DNAH9: variants seen among roughly 807,000 people sequenced by gnomAD.
DNAH9 encodes the protein dynein axonemal heavy chain 9.
Under a neutral mutation model 471.6 loss-of-function variants are expected in DNAH9, and 345 were observed. That is an observed-to-expected ratio of 0.73 (90% CI 0.67 to 0.80). The LOEUF (loss-of-function observed/expected upper bound fraction) is 0.80, where lower values mean the gene tolerates loss of function less well. DNAH9 is among the 30% of genes least tolerant of loss of function. DNAH9 has a pLI of 0.00. For missense variants in DNAH9, 5,407 were observed against 5,609.2 expected (o/e 0.96, Z 1.15); for synonymous variants, 2,093 against 2,123.6 (o/e 0.99, Z 0.40).
chr17:11,881,514 G>C, intron 55 of DNAH9, 101 bp downstream of exon 55: 1 of 1,198,566 alleles, frequency 8.3e-7, no homozygotes, highest in Non-Finnish European at 1.1e-6. Context: ...GATTGAGTTA[G>C]GTGGGTTCTG....
chr17:11,642,772 TG>T (rs946231893), intron 10 of DNAH9, among the ~76,000 whole-genome samples: 1 of 152,148 alleles, frequency 6.6e-6, no homozygotes, highest in Non-Finnish European at 1.5e-5. Context: ...TTGGGGCCTG[TG>T]GGGCTTGTGG....
At chr17:11,965,745 C>A (rs1976650109) in intron 68 of DNAH9, among the ~76,000 whole-genome samples, 1 of 151,800 alleles carries the variant, frequency 6.6e-6, no homozygotes, top group African/African-American at 2.4e-5. Context: ...CTATGTATCA[C>A]TGAATAGAGA....
At chr17:11,899,682 A>G (rs1437889888) in intron 59 of DNAH9, among the ~76,000 whole-genome samples, 3 of 152,186 alleles carry the variant, frequency 2.0e-5, no homozygotes, top group African/African-American at 7.2e-5. Context: ...GGGTTGCAGG[A>G]CTGCAGAAGG....
Position 11,652,775 on chromosome 17 carries a change from G to A in DNAH9, c.2368G>A (p.Val790Ile), listed in dbSNP as rs200234366. ...NWKTEGICDY[V>I]TEITSSIHDL... ...TTGGGGAACAGGCATTTGCGATTAT[G>A]TCACTGAAATCACCAGTAGTATTCA... Residue 790 changes from valine to isoleucine, a missense_variant, in exon 14 of 69, where the codon GTC becomes ATC. Val to Ile is a conservative substitution (Grantham distance 29). This residue lies in a region of DNAH9 where 4,636 missense variants were observed against 4,900.3 expected (regional missense o/e 0.95). Coordinates refer to ENST00000262442, the MANE Select transcript of DNAH9 (RefSeq NM_001372.4). 1.2e-5 allele frequency: 20 copies of A among 1,613,370 alleles called. No individual in the cohort carries two copies. In the Admixed American group the frequency reaches 3.0e-4, roughly 24 times the overall value.
Position 11,941,947 on chromosome 17 carries a change from A to T in DNAH9, c.12661-356A>T, listed in dbSNP as rs897673650. On this transcript the variant is annotated intron_variant, in intron 66 of 68. Transcript: ENST00000262442. ...CAGCTTCACATGGCCCACAGGGGCC[A>T]CCTTTTGGCCCAAGTCTGTCTTATG... 5.3e-5 allele frequency among the ~76,000 whole-genome samples: 8 copies of T among 152,188 alleles called. No homozygotes were observed. The East Asian group carries it at 1.5e-3, about 29-fold the overall frequency.
chr17:11,695,464 C>A (rs1032148505), intron 22 of DNAH9, among the ~76,000 whole-genome samples: 2 of 152,156 alleles, frequency 1.3e-5, no homozygotes, highest in African/African-American at 4.8e-5. Context: ...ATATGAGAAG[C>A]CCAAAATGTG....
chr17:11,822,278 G>C (rs970004088), intron 46 of DNAH9, among the ~76,000 whole-genome samples, 160 bp from the exon 47 acceptor site: 4 of 152,172 alleles, frequency 2.6e-5, no homozygotes, highest in Non-Finnish European at 4.4e-5. Context: ...CAGCGTTTTT[G>C]ATCTCTTGGC....
chr17:11,961,890 C>T lies in DNAH9; in HGVS notation c.12867C>T (p.His4289=). 1 of 1,611,458 alleles carries T rather than the reference C, an allele frequency of 6.2e-7. No individual in the cohort carries two copies. Among genetic ancestry groups the T allele is most frequent in the South Asian group, 1.1e-5 (1 of 90,868 alleles). The change falls in exon 68 of 69, where the codon CAC becomes CAT. Residue 4289 remains histidine, a synonymous_variant. Coordinates refer to ENST00000262442, the MANE Select transcript of DNAH9 (RefSeq NM_001372.4). ...GLKGELTMTS[H]MENLQNALYF... ...AGGGGGAGCTGACTATGACCAGCCA[C>T]ATGGAGAACTTACAGAATGCCCTGT...
intron 19 of DNAH9, among the ~76,000 whole-genome samples, chr17:11,683,100 C>A (rs1181962790): frequency 6.6e-6 from 1 of 152,194 alleles, no homozygotes; most frequent in Non-Finnish European, 1.5e-5. Flanking sequence ...GTGTTAACAA[C>A]AACCACTCCA....
At chr17:11,756,764 A>T (rs1967410931) in intron 34 of DNAH9, 88 bp downstream of exon 34, 2 of 822,374 alleles carry the variant, frequency 2.4e-6, no homozygotes, top group Non-Finnish European at 2.1e-6. Flanking sequence ...GCTCAGAAGG[A>T]ATCTCCACAT....
At position 11,894,489 on chromosome 17, in the gene DNAH9, C is replaced by A; in HGVS notation, c.11399C>A (p.Ala3800Asp). 6.2e-7 allele frequency: 1 copy of A among 1,614,120 alleles called. No homozygotes were observed. The highest frequency in any genetic ancestry group is 8.5e-7 in the Non-Finnish European group (1 of 1,179,980). The change falls in exon 59 of 69, where the codon GCT becomes GAT. Residue 3800 changes from alanine (A) to aspartate (D), a missense_variant. Ala to Asp is a moderately radical substitution (Grantham distance 126, BLOSUM62 -2). This residue lies in a region of DNAH9 where 4,636 missense variants were observed against 4,900.3 expected (regional missense o/e 0.95). Transcript: ENST00000262442. ...TTCCTCTCCCATCAGGCGTGGGGAG[C>A]TGTCAAGGTCAGTATTGACCCCTAG... ...VEFLSHQAWG[A>D]VKVLSSMEEF...
rs115085327 is a variant in DNAH9, at chr17:11,807,037, G to T, written c.8421-695G>T. Among the ~76,000 whole-genome samples, 1,374 of 152,226 alleles carry T rather than the reference G, an allele frequency of 9.0e-3. 20 individuals carry two copies. Among genetic ancestry groups the T allele is most frequent in the African/African-American group, 0.032 (1,312 of 41,526 alleles). On this transcript the variant is annotated intron_variant, in intron 43 of 68. Coordinates refer to ENST00000262442, the MANE Select transcript of DNAH9 (RefSeq NM_001372.4). The stretch of plus-strand genomic sequence containing the variant: ...TGGAATAGTCTTCCATTGCAAGGAA[G>T]GGGGCAAGGAGAGAGGAATATGGGC...
At chr17:11,752,268 C>T (rs533138307) in intron 32 of DNAH9, among the ~76,000 whole-genome samples, 1 of 152,324 alleles carries the variant, frequency 6.6e-6, no homozygotes, top group Admixed American at 6.5e-5. Context: ...AGCATGAAAA[C>T]TCTACCTTAA....
At chr17:11,605,553 C>T (rs2072485680) in intron 1 of DNAH9, among the ~76,000 whole-genome samples, 1 of 152,050 alleles carries the variant, frequency 6.6e-6, no homozygotes, top group Admixed American at 6.5e-5. Context: ...GGCTGGAGTA[C>T]AGTGGCACGA....
At position 11,894,491 on chromosome 17, in the gene DNAH9, G is replaced by A; in HGVS notation, c.11401G>A (p.Val3801Ile). Reference sequence around the variant, plus strand: ...CCTCTCCCATCAGGCGTGGGGAGCTGTCAAGGTCAGTATTGACCCCTAGAA... The same window carrying A: ...CCTCTCCCATCAGGCGTGGGGAGCTATCAAGGTCAGTATTGACCCCTAGAA... ...EFLSHQAWGA[V>I]KVLSSMEEFS... Residue 3801 changes from valine (V) to isoleucine (I), a missense_variant, in exon 59 of 69, where the codon GTC becomes ATC. Transcript: ENST00000262442. 1 of 1,614,108 alleles carries A rather than the reference G, an allele frequency of 6.2e-7. No individual in the cohort carries two copies. The highest frequency in any genetic ancestry group is 8.5e-7 in the Non-Finnish European group (1 of 1,179,980).
chr17:11,855,860 G>A (rs1291192351), intron 50 of DNAH9, among the ~76,000 whole-genome samples: 3 of 152,120 alleles, frequency 2.0e-5, no homozygotes, highest in South Asian at 2.1e-4. Flanking sequence ...TTTACTGATC[G>A]TGTGACCTTT....
intron 26 of DNAH9, among the ~76,000 whole-genome samples, chr17:11,715,614 T>G (rs1047010964): frequency 1.3e-5 from 2 of 152,180 alleles, no homozygotes; most frequent in African/African-American, 2.4e-5. Context: ...TCAATCCATA[T>G]CCATGTTGGG....
intron 49 of DNAH9, among the ~76,000 whole-genome samples, chr17:11,848,044 C>A (rs1001242570): frequency 6.6e-6 from 1 of 152,116 alleles, no homozygotes; most frequent in Non-Finnish European, 1.5e-5. Flanking sequence ...GGAACTGGAA[C>A]CTCCCCAGCT....
chr17:11,786,353 A>T (rs1366347822), intron 41 of DNAH9, among the ~76,000 whole-genome samples: 1 of 152,202 alleles, frequency 6.6e-6, no homozygotes, highest in Non-Finnish European at 1.5e-5. Flanking sequence ...AGGTTAAAAA[A>T]AAAATTCTCG....
Sources: allele counts gnomAD v4.1 joint callset (sites outside exome capture counted in the v4.1 genomes callset), GRCh38; gene constraint gnomAD v4.1.1; regional missense constraint gnomAD v4.1.1; transcripts MANE v1.5; gene names NCBI Gene and HGNC (gene_info 2026-07-23, HGNC 2026-07-21).